PCDHGA6: variants seen among roughly 807,000 people sequenced by gnomAD.
PCDHGA6 encodes protocadherin gamma subfamily A, 6, also known as protocadherin gamma-A6.
Under a neutral mutation model 60.6 loss-of-function variants are expected in PCDHGA6, and 41 were observed. The observed-to-expected ratio is 0.68, with a 90% CI of 0.53 to 0.88. The LOEUF is 0.88. Among genes scored for constraint, PCDHGA6 ranks in the 40% least tolerant of loss-of-function variants. The pLI is 0.00. For synonymous variants in PCDHGA6, 594 were observed against 524.4 expected, an observed-to-expected ratio of 1.13 and a Z score of -1.81; for missense variants, 1,312 against 1,203.0, an observed-to-expected ratio of 1.09 and a Z score of -1.34.
At chr5:141,423,228 CA>C in intron 1 of PCDHGA6, 1 of 1,613,866 alleles carries the variant, frequency 6.2e-7, no homozygotes, top group Non-Finnish European at 8.5e-7. Flanking sequence ...CTGTGGCCGA[CA>C]GCATCCCCGA....
intron 1 of PCDHGA6, chr5:141,414,582 C>T (rs2095761888): frequency 2.5e-6 from 4 of 1,613,862 alleles, no homozygotes; most frequent in Non-Finnish European, 3.4e-6. Flanking sequence ...CAGAGAACAA[C>T]GCCAGGGGTG....
chr5:141,503,912 A>AAC (rs34419983), intron 2 of PCDHGA6, among the ~76,000 whole-genome samples: 3 of 152,280 alleles, frequency 2.0e-5, no homozygotes, highest in East Asian at 3.9e-4. Context: ...CACACAACGC[A>AAC]ACACACACAC....
At position 141,476,666 on chromosome 5, in the gene PCDHGA6, G is replaced by A. The variant is rs2099395856; in HGVS notation, c.2425-18141G>A. On this transcript the variant is annotated intron_variant, in intron 1 of 3. Coordinates refer to ENST00000517434, the MANE Select transcript of PCDHGA6 (RefSeq NM_018919.3). The surrounding 1 kb of genome is among the most constrained non-coding windows in gnomAD (Gnocchi z 7.6). The stretch of plus-strand genomic sequence containing the variant: ...CCGAAATGAATACTTTGCGCTTCGC[G>A]TGCAGACGCGGGAGGACAGCACCAA... 6.2e-7 allele frequency: 1 copy of A among 1,614,128 alleles called. No individual in the cohort carries two copies.
intron 2 of PCDHGA6, among the ~76,000 whole-genome samples, chr5:141,504,259 G>A (rs1325093588): frequency 6.6e-6 from 1 of 152,126 alleles, no homozygotes; most frequent in Non-Finnish European, 1.5e-5. Flanking sequence ...TTATGGTTTA[G>A]TATTTTTTTA....
At chr5:141,410,473 A>G (rs1347318074) in intron 1 of PCDHGA6, 1 of 1,614,028 alleles carries the variant, frequency 6.2e-7, no homozygotes, top group East Asian at 2.2e-5. Context: ...TGTGCATTGC[A>G]CATACGGGTA....
chr5:141,478,532 G>T, intron 1 of PCDHGA6: 1 of 1,607,858 alleles, frequency 6.2e-7, no homozygotes, highest in East Asian at 2.2e-5. Flanking sequence ...TGCAGAGAGC[G>T]CCCCTCCCGG....
intron 1 of PCDHGA6, chr5:141,426,739 GC>G (rs1345744337): frequency 8.8e-6 from 4 of 453,408 alleles, no homozygotes; most frequent in Non-Finnish European, 1.8e-5. Flanking sequence ...ATTCGGTTTG[GC>G]CTGGAATCTG....
At position 141,432,204 on chromosome 5, in the gene PCDHGA6, A is replaced by G. The variant is rs1204867610; in HGVS notation, c.2424+55697A>G. On this transcript the variant is annotated intron_variant, in intron 1 of 3. Coordinates refer to ENST00000517434, the MANE Select transcript of PCDHGA6 (RefSeq NM_018919.3). This position sits in a 1 kb window ranked among gnomAD's most constrained non-coding sequence, Gnocchi z 6.0. ...GTGACCGCCCACGACCCCGACTGTG[A>G]AGAGAACGCCCAGATCACTTATTCC... 1.9e-6 allele frequency: 3 copies of G among 1,614,070 alleles called. No homozygotes were observed. Among genetic ancestry groups the G allele is most frequent in the African/African-American group, 2.7e-5 (2 of 74,928 alleles).
chr5:141,390,157 G>A, intron 1 of PCDHGA6: 3 of 1,614,020 alleles, frequency 1.9e-6, no homozygotes, highest in Middle Eastern at 3.3e-4. Context: ...GCACATACAG[G>A]AAAGACGGAG....
intron 1 of PCDHGA6, among the ~76,000 whole-genome samples, chr5:141,435,760 T>TTGGTGAATTC (rs2097778609): frequency 1.3e-5 from 2 of 152,172 alleles, no homozygotes; most frequent in African/African-American, 4.8e-5. Context: ...TTGATTTCTT[T>TTGGTGAATTC]TGGTGAATTC....
chr5:141,475,989 A>G, intron 1 of PCDHGA6: 1 of 1,130,622 alleles, frequency 8.8e-7, no homozygotes, highest in Non-Finnish European at 1.3e-6. Flanking sequence ...CCGGCGAGCA[A>G]ATCAACGGCA....
At chr5:141,505,123 C>T (rs1320836386) in intron 2 of PCDHGA6, among the ~76,000 whole-genome samples, 1 of 152,192 alleles carries the variant, frequency 6.6e-6, no homozygotes, top group African/African-American at 2.4e-5. Flanking sequence ...GATCGCGCCA[C>T]TGCACTCCAG....
chr5:141,428,297 T>G (rs2097131311), intron 1 of PCDHGA6: 5 of 712,160 alleles, frequency 7.0e-6, no homozygotes, highest in Non-Finnish European at 1.2e-5. Flanking sequence ...AAGCTGCAGA[T>G]TTACCTGGTC....
Position 141,491,897 on chromosome 5 carries a change from C to G in PCDHGA6, c.2425-2910C>G. The stretch of plus-strand genomic sequence containing the variant: ...GATTAAGGGATGGGGCTCCGAGCAC[C>G]GGGGGTGGTGGCGACTGTGGGCGAG... On this transcript the variant is annotated intron_variant, in intron 1 of 3. Transcript: ENST00000517434. This position sits in a 1 kb window ranked among gnomAD's most constrained non-coding sequence, Gnocchi z 6.9. 7 of 1,432,534 alleles carry G rather than the reference C, an allele frequency of 4.9e-6. No homozygotes were observed. The highest frequency in any genetic ancestry group is 6.5e-6 in the Non-Finnish European group (7 of 1,082,898). 88.7% of individuals were successfully genotyped at this position (1,432,534 alleles called of 1,614,324 possible).
In PCDHGA6 at chr5:141,511,032, G is replaced by A; in HGVS notation, c.2658G>A (p.Gln886=). 1.2e-6 allele frequency: 2 copies of A among 1,614,228 alleles called. No homozygotes were observed. The highest frequency in any genetic ancestry group is 2.2e-5 in the East Asian group (1 of 44,888). The change falls in exon 4 of 4, where the codon CAG becomes CAA. Residue 886 remains glutamine, a synonymous_variant. Transcript: ENST00000517434. Reference sequence around the variant, plus strand: ...GCTACGGACCCCAGTTCACCCTGCAGCACGTGCCCGACTACCGCCAGAATG... The same window carrying A: ...GCTACGGACCCCAGTTCACCCTGCAACACGTGCCCGACTACCGCCAGAATG... ...SARYGPQFTL[Q]HVPDYRQNVY...
chr5:141,423,927 T>A, intron 1 of PCDHGA6: 1 of 1,240,434 alleles, frequency 8.1e-7, no homozygotes, highest in Non-Finnish European at 1.0e-6. Context: ...TATGCTGGTT[T>A]GGTTTGAAGT....
At chr5:141,479,936 T>C (rs532302710) in intron 1 of PCDHGA6, among the ~76,000 whole-genome samples, 97 of 152,340 alleles carry the variant, frequency 6.4e-4, no homozygotes, top group African/African-American at 2.2e-3. Flanking sequence ...ATCATTGCTA[T>C]CAACTCTTGG....
chr5:141,491,802 G>A lies in PCDHGA6; in HGVS notation c.2425-3005G>A. 6.7e-7 allele frequency: 1 copy of A among 1,497,480 alleles called. No homozygotes were observed. Among genetic ancestry groups the A allele is most frequent in the East Asian group, 2.5e-5 (1 of 40,518 alleles). The allele number at this position is 1,497,480 out of a possible 1,614,324, so 92.8% of individuals were successfully genotyped here. ...ACTTGCATCCACTCCTCTCCGGCCG[G>A]CTTGGTCGCTGGCTGCGCTCCACCC... On this transcript the variant is annotated intron_variant, in intron 1 of 3. Coordinates refer to ENST00000517434, the MANE Select transcript of PCDHGA6 (RefSeq NM_018919.3). The surrounding 1 kb of genome is among the most constrained non-coding windows in gnomAD (Gnocchi z 6.9).
At chr5:141,400,191 A>G (rs781032596) in intron 1 of PCDHGA6, 2 of 1,613,970 alleles carry the variant, frequency 1.2e-6, no homozygotes, top group Non-Finnish European at 1.7e-6. Context: ...AGTTTTACCT[A>G]GTGGTGGCCT....
Sources: allele counts gnomAD v4.1 joint callset (sites outside exome capture counted in the v4.1 genomes callset), GRCh38; gene constraint gnomAD v4.1.1; non-coding constraint Gnocchi (gnomAD v3.1); transcripts MANE v1.5; gene names NCBI Gene and HGNC (gene_info 2026-07-23, HGNC 2026-07-21).